The following ZRANB3 variants were observed in gnomAD, a reference collection of about 807,000 sequenced individuals.
ZRANB3 encodes DNA annealing helicase and endonuclease ZRANB3.
Under a neutral mutation model 133.8 loss-of-function variants are expected in ZRANB3, and 125 were observed. The observed-to-expected ratio is 0.93, with a 90% CI of 0.81 to 1.08. ZRANB3 has a LOEUF of 1.08. Ranked by LOEUF, ZRANB3 falls within the 50% of genes least tolerant of loss-of-function variation. The pLI is 0.00. For missense variants in ZRANB3, 1,229 were observed against 1,275.5 expected, an observed-to-expected ratio of 0.96 and a Z score of 0.56; for synonymous variants, 387 against 432.7, an observed-to-expected ratio of 0.89 and a Z score of 1.31.
Position 135,523,539 on chromosome 2 carries a change from CAA to C in ZRANB3, c.-8+7586_-8+7587del, listed in dbSNP as rs147091793. Reference sequence around the variant, plus strand: ...CTAGCATCAGCCTGATTAACGGAAACAATATTAATAAAAAAGCAACACACACT... The same window carrying C: ...CTAGCATCAGCCTGATTAACGGAAACTATTAATAAAAAAGCAACACACACT... On this transcript the variant is annotated intron_variant, in intron 1 of 20. Coordinates refer to ENST00000264159, the MANE Select transcript of ZRANB3 (RefSeq NM_032143.4). 3.0e-3 allele frequency among the ~76,000 whole-genome samples: 454 copies of C among 152,252 alleles called. 2 individuals carry two copies. Among genetic ancestry groups the C allele is most frequent in the African/African-American group, 0.01 (430 of 41,546 alleles).
chr2:135,294,187 T>C (rs1681911110), intron 8 of ZRANB3, among the ~76,000 whole-genome samples: 2 of 152,244 alleles, frequency 1.3e-5, no homozygotes, highest in South Asian at 4.1e-4. Flanking sequence ...CTCTTCCTTG[T>C]ACCTCTCATA....
At chr2:135,428,040 A>G (rs1689168885) in intron 2 of ZRANB3, among the ~76,000 whole-genome samples, 1 of 152,214 alleles carries the variant, frequency 6.6e-6, no homozygotes, top group Non-Finnish European at 1.5e-5. Flanking sequence ...TTGATCATAC[A>G]AGAAAATCAA....
chr2:135,385,784 A>G (rs1281250593), intron 3 of ZRANB3, among the ~76,000 whole-genome samples: 2 of 152,260 alleles, frequency 1.3e-5, no homozygotes, highest in African/African-American at 4.8e-5. Context: ...CTGGCTAGCC[A>G]TGTGTAGAAA....
intron 6 of ZRANB3, among the ~76,000 whole-genome samples, chr2:135,325,073 C>T (rs897896328): frequency 6.6e-6 from 1 of 152,042 alleles, no homozygotes; most frequent in Non-Finnish European, 1.5e-5. Context: ...TGCTAAACTC[C>T]CAAAGTTAAT....
chr2:135,335,086 G>A (rs1394656501), intron 6 of ZRANB3, among the ~76,000 whole-genome samples: 1 of 151,940 alleles, frequency 6.6e-6, no homozygotes, highest in African/African-American at 2.4e-5. Context: ...TCTCCCTTGA[G>A]ACATTTCTTG....
intron 1 of ZRANB3, among the ~76,000 whole-genome samples, chr2:135,522,718 A>T (rs60567572): frequency 0.044 from 6,743 of 152,196 alleles, 501 homozygotes; most frequent in African/African-American, 0.16. Context: ...ATCTCAAAAG[A>T]AAAAGAAAAA....
At chr2:135,503,828 G>A (rs1693054440) in intron 2 of ZRANB3, among the ~76,000 whole-genome samples, 2 of 152,080 alleles carry the variant, frequency 1.3e-5, no homozygotes, top group South Asian at 4.2e-4. Context: ...AATTACCCGG[G>A]TGTGGTGGCG....
chr2:135,224,383 G>A (rs775564262), intron 15 of ZRANB3, 43 bp downstream of exon 15: 10 of 1,456,998 alleles, frequency 6.9e-6, no homozygotes, highest in Non-Finnish European at 1.9e-6. Flanking sequence ...AAAAAAGGAA[G>A]TCTTTTTTAT....
chr2:135,369,494 A>G (rs1415082611), intron 3 of ZRANB3, among the ~76,000 whole-genome samples: 1 of 152,230 alleles, frequency 6.6e-6, no homozygotes, highest in Non-Finnish European at 1.5e-5. Context: ...GATAAAGGTT[A>G]AGAGAAAGAG....
chr2:135,506,797 A>G (rs1693209905), intron 1 of ZRANB3, among the ~76,000 whole-genome samples: 1 of 152,230 alleles, frequency 6.6e-6, no homozygotes, highest in Admixed American at 6.5e-5. Flanking sequence ...AAAGATATCA[A>G]TAAGGAGGCA....
chr2:135,440,342 T>C (rs1574106564), intron 2 of ZRANB3, among the ~76,000 whole-genome samples: 1 of 151,876 alleles, frequency 6.6e-6, no homozygotes, highest in Admixed American at 6.6e-5. Context: ...GAGGTTGCAG[T>C]GAGCTGAGAT....
intron 1 of ZRANB3, among the ~76,000 whole-genome samples, chr2:135,527,054 T>G (rs943528334): frequency 2.6e-5 from 4 of 152,216 alleles, no homozygotes; most frequent in Non-Finnish European, 5.9e-5. Flanking sequence ...GTCTCATGCC[T>G]TCCTAAAATA....
intron 8 of ZRANB3, among the ~76,000 whole-genome samples, chr2:135,306,897 G>C (rs1229003615): frequency 6.6e-6 from 1 of 151,588 alleles, no homozygotes; most frequent in African/African-American, 2.4e-5. Flanking sequence ...GCTTATTTTT[G>C]TATTTATTAG....
At chr2:135,308,983 T>A (rs1480984181) in intron 8 of ZRANB3, among the ~76,000 whole-genome samples, 1 of 145,932 alleles carries the variant, frequency 6.9e-6, no homozygotes, top group Non-Finnish European at 1.5e-5. Context: ...ATAACATCAT[T>A]TTTTTTTTTT....
At chr2:135,227,321 C>T (rs953560433) in intron 14 of ZRANB3, among the ~76,000 whole-genome samples, 1 of 152,186 alleles carries the variant, frequency 6.6e-6, no homozygotes, top group East Asian at 1.9e-4. Flanking sequence ...GCTACAAATG[C>T]AGTCATGATT....
chr2:135,367,984 AT>A (rs1042456516), intron 3 of ZRANB3, among the ~76,000 whole-genome samples: 1 of 152,152 alleles, frequency 6.6e-6, no homozygotes, highest in African/African-American at 2.4e-5. Context: ...AGAATTAGTA[AT>A]AGCTCCAAAT....
intron 12 of ZRANB3, among the ~76,000 whole-genome samples, chr2:135,243,924 AT>A (rs557442570): frequency 4.8e-4 from 70 of 146,218 alleles, no homozygotes; most frequent in South Asian, 8.7e-4. Flanking sequence ...CCGGCCTTAA[AT>A]TTTTTTTTTT....
chr2:135,479,779 C>T (rs1003878904), intron 2 of ZRANB3, among the ~76,000 whole-genome samples: 2 of 152,072 alleles, frequency 1.3e-5, no homozygotes, highest in African/African-American at 4.8e-5. Context: ...GAAGAGGGGA[C>T]ACAACTATGA....
At chr2:135,441,255 T>C (rs6718126) in intron 2 of ZRANB3, among the ~76,000 whole-genome samples, 8 of 152,094 alleles carry the variant, frequency 5.3e-5, no homozygotes, top group Non-Finnish European at 1.0e-4. Flanking sequence ...TATTATGTAC[T>C]GGAAGCAATG....
Sources: gnomAD v4.1 joint callset for allele counts (sites outside exome capture counted in the v4.1 genomes callset) on GRCh38, gnomAD v4.1.1 for gene constraint, MANE v1.5 for transcripts, NCBI Gene and HGNC (gene_info 2026-07-23, HGNC 2026-07-21) for gene names.